NPAS2: variants seen among roughly 807,000 people sequenced by gnomAD.
NPAS2 encodes the protein neuronal PAS domain protein 2, also known as neuronal PAS domain-containing protein 2.
NPAS2 carries 23 observed loss-of-function variants against 107.5 expected under a neutral mutation model. The ratio of observed to expected loss-of-function variants is 0.21; its 90% CI spans 0.15 to 0.30. The LOEUF is 0.30. NPAS2 is among the 10% of genes least tolerant of loss of function. NPAS2 has a pLI of 1.00. For synonymous variants in NPAS2, 403 were observed against 417.5 expected, an observed-to-expected ratio of 0.97 and a Z score of 0.42; for missense variants, 756 against 1,043.3, an observed-to-expected ratio of 0.72 and a Z score of 3.79.
chr2:100,901,580 G>C, intron 1 of NPAS2: 1 of 983,674 alleles, frequency 1.0e-6, no homozygotes, highest in Non-Finnish European at 1.2e-6. Context: ...ATGGCTAAAG[G>C]AGATGCAGCA....
chr2:100,937,610 A>G (rs1684408585), intron 4 of NPAS2, 143 bp from the exon 5 acceptor site: 1 of 689,170 alleles, frequency 1.5e-6, no homozygotes, highest in Non-Finnish European at 2.6e-6. Context: ...TGGAAGGCCA[A>G]GAAGTGCCGT....
chr2:100,821,313 T>A (rs898569324), intron 1 of NPAS2: 16 of 901,688 alleles, frequency 1.8e-5, no homozygotes, highest in Non-Finnish European at 2.4e-5. Flanking sequence ...GTCTAAACAC[T>A]CCCGAGCTTG....
rs1437372846 is a variant in NPAS2 at position 100,968,720 on chromosome 2, A to C, written c.1055+292A>C. ...CAGGCTGCCAGGATATTACTTAGTA[A>C]GTGACTGCTTCACTGACCTACTTAC... On this transcript the variant is annotated intron_variant, in intron 11 of 20. Transcript: ENST00000335681. This position sits in a 1 kb window ranked among gnomAD's most constrained non-coding sequence, Gnocchi z 5.3. Among the ~76,000 whole-genome samples the C allele has an allele frequency of 6.6e-6, 1 of 152,200 alleles. No homozygotes were observed. Among genetic ancestry groups the C allele is most frequent in the African/African-American group, 2.4e-5 (1 of 41,452 alleles).
chr2:100,911,688 G>A (rs914239635), intron 2 of NPAS2, among the ~76,000 whole-genome samples: 1 of 152,004 alleles, frequency 6.6e-6, no homozygotes. Context: ...CTGGAGTGCA[G>A]TGGCACAATG....
intron 2 of NPAS2, among the ~76,000 whole-genome samples, chr2:100,905,130 C>T (rs1210639223): frequency 6.6e-6 from 1 of 152,112 alleles, no homozygotes; most frequent in Non-Finnish European, 1.5e-5. Context: ...CTGACTGGAG[C>T]CCAGCAGGCC....
rs1273771951 is a variant in NPAS2 at position 100,954,685 on chromosome 2, A to G, written c.598+5205A>G. ...GTCTCAAAAAAAAAAAAAAAAGAAA[A>G]AAAAGAAAAGAAAAAAGAAACTAGA... On this transcript the variant is annotated intron_variant, in intron 7 of 20. Transcript: ENST00000335681. Among the ~76,000 whole-genome samples, 189 of 144,400 alleles carry G rather than the reference A, an allele frequency of 1.3e-3. 2 individuals are homozygous for G. The highest frequency in any genetic ancestry group is 2.9e-3 in the African/African-American group (117 of 39,844). 94.7% of individuals were successfully genotyped at this position (144,400 alleles called of 152,430 possible).
rs1286011258 is a variant in NPAS2, at chr2:100,873,303, TATATACACACACACACAC to T, written c.-22-31428_-22-31411del. Among the ~76,000 whole-genome samples the T allele has an allele frequency of 8.3e-3, 383 of 45,954 alleles. 19 individuals are homozygous for T. In the East Asian group the frequency reaches 0.15, roughly 18 times the overall value. The allele number at this position is 45,954 out of a possible 152,430, so 30.1% of individuals were successfully genotyped here. A position where few individuals can be genotyped will look rare whatever the true frequency, so the allele number is the denominator to read the frequency against. On this transcript the variant is annotated intron_variant, in intron 1 of 20. Coordinates refer to ENST00000335681, the MANE Select transcript of NPAS2 (RefSeq NM_002518.4). ...ATATATATATATATATATATATATA[TATATACACACACACACAC>T]ACACACACACACACACACACATATA... is the stretch of plus-strand genomic sequence containing the variant.
intron 15 of NPAS2, among the ~76,000 whole-genome samples, chr2:100,979,877 G>C (rs1463329953): frequency 2.0e-5 from 3 of 152,088 alleles, no homozygotes; most frequent in African/African-American, 7.2e-5. Context: ...GACTTTCCAA[G>C]TCACACAGTT....
rs116572525 is a variant in NPAS2 at position 100,947,023 on chromosome 2, C to T, written c.364-1212C>T. Among the ~76,000 whole-genome samples the T allele has an allele frequency of 3.1e-3, 472 of 152,132 alleles. 2 individuals are homozygous for T. Among genetic ancestry groups the T allele is most frequent in the African/African-American group, 0.011 (451 of 41,490 alleles). ...TTCAGGACATGTATTCATCTGTGGT[C>T]CCCAGGGAGCATCTGAGTGGCAGTT... On this transcript the variant is annotated intron_variant, in intron 5 of 20. Transcript: ENST00000335681.
chr2:100,975,348 G>A, intron 13 of NPAS2, 110 bp from the exon 14 acceptor site: 1 of 935,742 alleles, frequency 1.1e-6, no homozygotes, highest in Non-Finnish European at 1.6e-6. Flanking sequence ...CTTTATCAGA[G>A]ATCCCAAGCG....
At chr2:100,956,459 G>A (rs1675572779) in intron 7 of NPAS2, among the ~76,000 whole-genome samples, 1 of 152,194 alleles carries the variant, frequency 6.6e-6, no homozygotes, top group Admixed American at 6.6e-5. Flanking sequence ...GTGAGTGCAT[G>A]TGGTATTTTG....
chr2:100,983,402 A>G (rs3768992), intron 16 of NPAS2: 60,908 of 152,224 alleles, frequency 0.4, 13,536 homozygotes, highest in Middle Eastern at 0.62. Context: ...GGAGATGCTC[A>G]TTTGGCCATC....
chr2:100,845,494 G>A (rs562965298), intron 1 of NPAS2, among the ~76,000 whole-genome samples: 7 of 152,284 alleles, frequency 4.6e-5, no homozygotes, highest in Middle Eastern at 3.4e-3. Context: ...CCAGCACACC[G>A]GTTGGCATAG....
rs116052433 is a variant in NPAS2 at position 100,856,303 on chromosome 2, G to A, written c.-23+35889G>A. On this transcript the variant is annotated intron_variant, in intron 1 of 20. Transcript: ENST00000335681. ...CTTTCTTTTCCTGAATTAAACGTGT[G>A]GTTAATTCTGGTTGAGAACTGTTTC... Among the ~76,000 whole-genome samples the A allele has an allele frequency of 6.6e-3, 1,011 of 152,270 alleles. 7 individuals are homozygous for A. The highest frequency in any genetic ancestry group is 0.022 in the African/African-American group (932 of 41,562).
At chr2:100,949,153 T>G (rs557635067) in intron 6 of NPAS2, among the ~76,000 whole-genome samples, 15 of 152,304 alleles carry the variant, frequency 9.8e-5, no homozygotes, top group Admixed American at 7.8e-4. Flanking sequence ...ACTAATTGGG[T>G]CCATGTATGG....
chr2:100,953,560 G>C (rs569878028), intron 7 of NPAS2, among the ~76,000 whole-genome samples: 1 of 152,260 alleles, frequency 6.6e-6, no homozygotes, highest in African/African-American at 2.4e-5. Flanking sequence ...ACCCGGCCCA[G>C]AGTTCAGGCT....
intron 1 of NPAS2, among the ~76,000 whole-genome samples, chr2:100,850,953 C>CAAA (rs148858541): frequency 0.2 from 8,383 of 41,820 alleles, 2,430 homozygotes; most frequent in African/African-American, 0.33. Flanking sequence ...AACTCTGTCT[C>CAAA]AAAAAAAAAA....
chr2:100,873,125 A>T (rs1679679739), intron 1 of NPAS2, among the ~76,000 whole-genome samples: 2 of 151,210 alleles, frequency 1.3e-5, no homozygotes, highest in African/African-American at 4.9e-5. Context: ...CAATATCGTG[A>T]AACCTCATCT....
intron 1 of NPAS2, among the ~76,000 whole-genome samples, chr2:100,834,117 AC>A: frequency 6.6e-6 from 1 of 152,088 alleles, no homozygotes; most frequent in African/African-American, 2.4e-5. Context: ...AGACCAGCCG[AC>A]CCCTTCCTGG....
Sources: allele counts gnomAD v4.1 joint callset (sites outside exome capture counted in the v4.1 genomes callset), GRCh38; gene constraint gnomAD v4.1.1; non-coding constraint Gnocchi (gnomAD v3.1); transcripts MANE v1.5; gene names NCBI Gene and HGNC (gene_info 2026-07-23, HGNC 2026-07-21).